Variants in VDAC1 observed in about 807,000 individuals in gnomAD.
VDAC1 encodes non-selective voltage-gated ion channel VDAC1.
Under a neutral mutation model 34.7 loss-of-function variants are expected in VDAC1, and 10 were observed. That is an observed-to-expected ratio of 0.29 (90% CI 0.18 to 0.49). The LOEUF (loss-of-function observed/expected upper bound fraction) is 0.49, where lower values mean the gene tolerates loss of function less well. VDAC1 is among the 20% of genes least tolerant of loss of function. The probability of loss-of-function intolerance (pLI) is 0.99; values close to 1 mark genes in which losing one functional copy is unlikely to be tolerated. For missense variants in VDAC1, 230 were observed against 347.9 expected, an observed-to-expected ratio of 0.66 and a Z score of 2.69; for synonymous variants, 130 against 136.0, an observed-to-expected ratio of 0.96 and a Z score of 0.30.
At chr5:133,991,263 G>C (rs987816129) in intron 3 of VDAC1, 109 bp from the exon 4 acceptor site, 7 of 1,387,876 alleles carry the variant, frequency 5.0e-6, no homozygotes, top group Non-Finnish European at 6.9e-6. Flanking sequence ...CCCTGAATGT[G>C]GGGGGGCCAA....
chr5:134,100,711 C>G, the VDAC1 span, among the ~76,000 whole-genome samples: 1 of 152,272 alleles, frequency 6.6e-6, no homozygotes, highest in Non-Finnish European at 1.5e-5. Flanking sequence ...CTCTCTGTTT[C>G]ACTCCTTTAA....
At chr5:134,033,635 T>A in the VDAC1 span, among the ~76,000 whole-genome samples, 1 of 149,452 alleles carries the variant, frequency 6.7e-6, no homozygotes, top group South Asian at 2.1e-4. Flanking sequence ...AATTAATTAA[T>A]TAATTAAAAT....
At chr5:134,037,457 T>G in the VDAC1 span, among the ~76,000 whole-genome samples, 5 of 152,274 alleles carry the variant, frequency 3.3e-5, no homozygotes, top group African/African-American at 1.2e-4. Context: ...GATTAATGGG[T>G]TTCCTGATCT....
rs1279189387 is a variant in VDAC1, at chr5:133,971,873, CTGTT to C, written c.*894_*897del. 2.5e-5 allele frequency: 3 copies of C among 120,268 alleles called. No homozygotes were observed. Among genetic ancestry groups the C allele is most frequent in the African/African-American group, 6.1e-5 (2 of 32,964 alleles). The allele number at this position is 120,268 out of a possible 1,614,324, so 7.5% of individuals were successfully genotyped here. ...GACAAAATAAATCTAAACAAATGCCCTGTTTATTTATATTTTATTAATAAAGACA... is the reference window on the plus strand; with the variant it reads ...GACAAAATAAATCTAAACAAATGCCCTATTTATATTTTATTAATAAAGACA... On this transcript the variant is annotated 3_prime_UTR_variant, in exon 9 of 9. Coordinates refer to ENST00000265333, the MANE Select transcript of VDAC1 (RefSeq NM_003374.3).
At chr5:133,979,902 A>G (rs1010005491) in intron 6 of VDAC1, among the ~76,000 whole-genome samples, 2 of 152,154 alleles carry the variant, frequency 1.3e-5, no homozygotes, top group East Asian at 3.8e-4. Context: ...GTCCATCTCT[A>G]TAGTTTTCCT....
chr5:134,007,299 G>C (rs1171033177), upstream of VDAC1, among the ~76,000 whole-genome samples: 3 of 151,804 alleles, frequency 2.0e-5, no homozygotes, highest in Non-Finnish European at 4.4e-5. Context: ...GCCAGGCTCA[G>C]AGGCACATGT....
At chr5:134,033,728 C>G in the VDAC1 span, among the ~76,000 whole-genome samples, 1 of 150,672 alleles carries the variant, frequency 6.6e-6, no homozygotes, top group African/African-American at 2.4e-5. Context: ...TGCGATGGCT[C>G]ACGCCTGTAA....
chr5:134,054,851 C>T, the VDAC1 span, among the ~76,000 whole-genome samples: 1 of 152,136 alleles, frequency 6.6e-6, no homozygotes, highest in African/African-American at 2.4e-5. Context: ...CAGGAAGCGG[C>T]GACTGAGCTG....
At chr5:134,110,345 A>T in the VDAC1 span, among the ~76,000 whole-genome samples, 7 of 152,188 alleles carry the variant, frequency 4.6e-5, no homozygotes, top group African/African-American at 1.7e-4. Context: ...TTCCTTCCTT[A>T]TGAAGAAAGA....
At chr5:134,081,350 T>C in the VDAC1 span, among the ~76,000 whole-genome samples, 5 of 152,158 alleles carry the variant, frequency 3.3e-5, no homozygotes, top group Non-Finnish European at 7.3e-5. Context: ...GATAACTTTT[T>C]GTATTTTTGG....
rs1753162816 is a variant in VDAC1, at chr5:133,992,980, G to C, written c.33C>G (p.Gly11=). 6.2e-7 allele frequency: 1 copy of C among 1,613,570 alleles called. No homozygotes were observed. Among genetic ancestry groups the C allele is most frequent in the East Asian group, 2.2e-5 (1 of 44,876 alleles). ...TGGTGAAGACATCCCTGGCAGATTT[G>C]CCAAGATCGGCATACGTGGGTGGCA... MAVPPTYADL[G]KSARDVFTKG... The change falls in exon 2 of 9, where the codon GGC becomes GGG. Residue 11 remains glycine, a synonymous_variant. Coordinates refer to ENST00000265333, the MANE Select transcript of VDAC1 (RefSeq NM_003374.3).
chr5:134,014,785 G>A, the VDAC1 span, among the ~76,000 whole-genome samples: 2 of 152,208 alleles, frequency 1.3e-5, no homozygotes, highest in African/African-American at 4.8e-5. Flanking sequence ...AGAATCGCTT[G>A]AACCTGGGAG....
chr5:133,999,897 G>A (rs1580731436), intron 1 of VDAC1, among the ~76,000 whole-genome samples: 1 of 152,022 alleles, frequency 6.6e-6, no homozygotes, highest in East Asian at 1.9e-4. Context: ...AAAGTCTCTG[G>A]CCCCGCTGTT....
the VDAC1 span, among the ~76,000 whole-genome samples, chr5:134,081,425 C>T: frequency 6.6e-6 from 1 of 152,164 alleles, no homozygotes; most frequent in African/African-American, 2.4e-5. Context: ...GCAATCTACC[C>T]ACCTCAGCCT....
the VDAC1 span, among the ~76,000 whole-genome samples, chr5:134,089,340 G>C: frequency 6.6e-6 from 1 of 152,196 alleles, no homozygotes; most frequent in Non-Finnish European, 1.5e-5. Flanking sequence ...AATAAACCAG[G>C]CACATCCCAA....
chr5:134,028,324 G>T, the VDAC1 span, among the ~76,000 whole-genome samples: 16 of 150,848 alleles, frequency 1.1e-4, no homozygotes, highest in Admixed American at 2.7e-4. Context: ...GTAGGGACAG[G>T]GTTTCACCAT....
At chr5:134,089,612 C>A in the VDAC1 span, among the ~76,000 whole-genome samples, 1 of 152,220 alleles carries the variant, frequency 6.6e-6, no homozygotes. Flanking sequence ...CTGCTCCCTT[C>A]TGCATGCAGA....
At chr5:134,090,509 C>T in the VDAC1 span, among the ~76,000 whole-genome samples, 5 of 152,294 alleles carry the variant, frequency 3.3e-5, no homozygotes, top group African/African-American at 9.6e-5. Context: ...CATAAGCCCC[C>T]TTCCCCACAA....
In VDAC1 at chr5:134,002,525, C is replaced by T. The variant is rs563817444; in HGVS notation, c.-7+2370G>A. 3.9e-5 allele frequency among the ~76,000 whole-genome samples: 6 copies of T among 152,272 alleles called. No homozygotes were observed. The East Asian group carries it at 5.8e-4, about 15-fold the overall frequency. On this transcript the variant is annotated intron_variant, in intron 1 of 8. Transcript: ENST00000265333. ...AAACACCAGTTCAACAAGTTTCCCT[C>T]GGGACTTGGAAAACCAGAGAATGAA...
Sources: gnomAD v4.1 joint callset for allele counts (sites outside exome capture counted in the v4.1 genomes callset) on GRCh38, gnomAD v4.1.1 for gene constraint, MANE v1.5 for transcripts, NCBI Gene and HGNC (gene_info 2026-07-23, HGNC 2026-07-21) for gene names.